The following TUBGCP4 variants were observed in gnomAD, a reference collection of about 807,000 sequenced individuals.
TUBGCP4 encodes the protein gamma-tubulin complex component 4.
A neutral mutation model predicts 91.6 loss-of-function variants in TUBGCP4; 54 were observed. That is an observed-to-expected ratio of 0.59 (90% CI 0.47 to 0.74). The LOEUF is 0.74. Ranked by LOEUF, TUBGCP4 falls within the 30% of genes least tolerant of loss-of-function variation. The pLI is 0.00. For missense variants in TUBGCP4, 593 were observed against 800.9 expected (o/e 0.74, Z 3.13); for synonymous variants, 297 against 302.8 (o/e 0.98, Z 0.20).
At chr15:43,405,160 G>T in intron 17 of TUBGCP4, 42 bp from the exon 18 acceptor site, 1 of 1,612,442 alleles carries the variant, frequency 6.2e-7, no homozygotes, top group South Asian at 1.1e-5. Context: ...GGTAGTCTTG[G>T]GAAAGCATGA....
chr15:43,409,759 ACCAAGAT>A lies in TUBGCP4; in HGVS notation c.*4546_*4552del. 2.6e-6 allele frequency: 3 copies of A among 1,167,804 alleles called. No individual in the cohort carries two copies. Among genetic ancestry groups the A allele is most frequent in the Non-Finnish European group, 3.6e-6 (3 of 823,124 alleles). 72.3% of individuals were successfully genotyped at this position (1,167,804 alleles called of 1,614,324 possible). A position where few individuals can be genotyped will look rare whatever the true frequency, so the allele number is the denominator to read the frequency against. ...CAAAAATTCTATATTAAAAAAAAAAACCAAGATAATAATTACTGAGTGGTTTTCTTAT... is the reference window on the plus strand; with the variant it reads ...CAAAAATTCTATATTAAAAAAAAAAAAATAATTACTGAGTGGTTTTCTTAT... On this transcript the variant is annotated 3_prime_UTR_variant, in exon 18 of 18. Transcript: ENST00000564079.
At chr15:43,386,657 G>A (rs1222774473) in intron 9 of TUBGCP4, among the ~76,000 whole-genome samples, 1 of 141,824 alleles carries the variant, frequency 7.1e-6, no homozygotes, top group African/African-American at 2.6e-5. Flanking sequence ...CCCGGGAGGC[G>A]GAGGTTGCAG....
Position 43,407,993 on chromosome 15 carries a change from G to C in TUBGCP4, c.*2779G>C, listed in dbSNP as rs199724544. ...CTGCTTCACAGAGGCTGCACCACCA[G>C]TCATGAGGATCTCAGACCAGAGCTC... On this transcript the variant is annotated 3_prime_UTR_variant, in exon 18 of 18. Transcript: ENST00000564079. The C allele has an allele frequency of 4.0e-5, 64 of 1,614,032 alleles. No individual in the cohort carries two copies. The East Asian group carries it at 1.2e-3, about 31-fold the overall frequency.
chr15:43,375,950 T>G, intron 1 of TUBGCP4, 148 bp from the exon 2 acceptor site: 2 of 1,234,310 alleles, frequency 1.6e-6, no homozygotes, highest in Non-Finnish European at 2.3e-6. Context: ...TTGAAGTGCT[T>G]TGGAAATACA....
intron 1 of TUBGCP4, 32 bp from the exon 2 acceptor site, chr15:43,376,066 C>T (rs1382367638): frequency 8.1e-6 from 13 of 1,597,780 alleles, no homozygotes; most frequent in East Asian, 2.3e-5. Flanking sequence ...CAGCGACTGG[C>T]GGTGTTTTCG....
At chr15:43,383,268 T>C (rs1280604270) in intron 6 of TUBGCP4, 35 bp from the exon 7 acceptor site, 18 of 1,574,938 alleles carry the variant, frequency 1.1e-5, no homozygotes, top group African/African-American at 1.4e-5. Flanking sequence ...GTTTAAAGCA[T>C]GACTTCTGAG....
At chr15:43,381,279 C>T (rs2044281715) in intron 6 of TUBGCP4, among the ~76,000 whole-genome samples, 1 of 152,222 alleles carries the variant, frequency 6.6e-6, no homozygotes. Flanking sequence ...TTACAGACCA[C>T]ATACTCAGAA....
chr15:43,395,170 C>G lies in TUBGCP4; in HGVS notation c.1065+13C>G. ...GGGTCAGCTGAAGGTAATGGCTTAG[C>G]TGTTGTAATTCTTACGGTGATGCTG... On this transcript the variant is annotated intron_variant, in intron 10 of 17. Coordinates refer to ENST00000564079, the MANE Select transcript of TUBGCP4 (RefSeq NM_014444.5). The G allele has an allele frequency of 1.2e-6, 2 of 1,613,824 alleles. No individual in the cohort carries two copies. Among genetic ancestry groups the G allele is most frequent in the Non-Finnish European group, 1.7e-6 (2 of 1,179,758 alleles).
intron 7 of TUBGCP4, 61 bp from the exon 8 acceptor site, chr15:43,385,730 T>C: frequency 1.9e-6 from 3 of 1,568,168 alleles, no homozygotes; most frequent in Non-Finnish European, 1.7e-6. Flanking sequence ...TACTAGGTAT[T>C]TTCTTGTTTT....
chr15:43,376,283 T>G (rs1479587901), intron 2 of TUBGCP4, 57 bp downstream of exon 2: 36 of 1,609,556 alleles, frequency 2.2e-5, no homozygotes, highest in Non-Finnish European at 3.1e-5. Context: ...ATGTCAAGCT[T>G]TCACCTCTAG....
chr15:43,407,117 C>T lies in TUBGCP4; in HGVS notation c.*1903C>T, dbSNP rs980513319. ...TCAATTTCCTTGGCCAGCTGTCCTC[C>T]GTAAGTGAATAAGCCTGTTGAAAGA... On this transcript the variant is annotated 3_prime_UTR_variant, in exon 18 of 18. Transcript: ENST00000564079. 2.7e-5 allele frequency: 10 copies of T among 376,402 alleles called. No individual in the cohort carries two copies. The highest frequency in any genetic ancestry group is 4.8e-5 in the East Asian group (1 of 20,854). 23.3% of individuals were successfully genotyped at this position (376,402 alleles called of 1,614,324 possible).
rs1251837526 is a variant in TUBGCP4, at chr15:43,386,202, G to T, written c.890-4G>T. 3 of 1,603,764 alleles carry T rather than the reference G, an allele frequency of 1.9e-6. No homozygotes were observed. The highest frequency in any genetic ancestry group is 1.7e-5 in the Admixed American group (1 of 57,808). On this transcript the variant is annotated splice_region_variant and splice_polypyrimidine_tract_variant and intron_variant, in intron 8 of 17. Coordinates refer to ENST00000564079, the MANE Select transcript of TUBGCP4 (RefSeq NM_014444.5). Reference sequence around the variant, plus strand: ...TCCTTTGACGGTGTCTTCCTATTTTGCAGGATCCATTTTGAAAAACCAGGA... The same window carrying T: ...TCCTTTGACGGTGTCTTCCTATTTTTCAGGATCCATTTTGAAAAACCAGGA...
At chr15:43,381,265 A>C (rs552400879) in intron 6 of TUBGCP4, among the ~76,000 whole-genome samples, 4 of 152,156 alleles carry the variant, frequency 2.6e-5, no homozygotes, top group African/African-American at 9.7e-5. Flanking sequence ...GCAGGGACCA[A>C]ACTTTACAGA....
intron 14 of TUBGCP4, among the ~76,000 whole-genome samples, chr15:43,400,448 A>C (rs987880601): frequency 6.6e-6 from 1 of 151,760 alleles, no homozygotes; most frequent in Non-Finnish European, 1.5e-5. Context: ...CCCAGGCTGG[A>C]ATGCAGTGGT....
In TUBGCP4 at chr15:43,409,247, T is replaced by C; in HGVS notation, c.*4033T>C. 1.5e-6 allele frequency: 1 copy of C among 678,762 alleles called. No individual in the cohort carries two copies. The highest frequency in any genetic ancestry group is 2.5e-6 in the Non-Finnish European group (1 of 397,778). The allele number at this position is 678,762 out of a possible 1,614,324, so 42.0% of individuals were successfully genotyped here. On this transcript the variant is annotated 3_prime_UTR_variant, in exon 18 of 18. Transcript: ENST00000564079. ...TCTATCCTGCCCAAGGCCACTCTTC[T>C]CACTGGAAGGCCCAAGTAATTTCCA...
At chr15:43,380,036 T>C (rs757197872) in intron 5 of TUBGCP4, 48 bp from the exon 6 acceptor site, 1 of 1,570,550 alleles carries the variant, frequency 6.4e-7, no homozygotes, top group Non-Finnish European at 8.8e-7. Context: ...GTGTCTTGCA[T>C]GGACTCTTAG....
Position 43,395,703 on chromosome 15 carries a change from C to A in TUBGCP4, c.1171+15C>A. 6.3e-7 allele frequency: 1 copy of A among 1,595,862 alleles called. No homozygotes were observed. The highest frequency in any genetic ancestry group is 1.1e-5 in the South Asian group (1 of 90,732). On this transcript the variant is annotated intron_variant, in intron 11 of 17. Transcript: ENST00000564079. ...AACTGAGCATGGTAATTGTCAGTGG[C>A]CCTGAGAATGATCAACTGATTGACA...
intron 9 of TUBGCP4, among the ~76,000 whole-genome samples, chr15:43,392,740 C>T (rs1270700307): frequency 5.3e-5 from 8 of 152,128 alleles, no homozygotes; most frequent in Admixed American, 5.2e-4. Flanking sequence ...CTCAAGTGAT[C>T]TGCCCGCTTC....
rs751441349 is a variant in TUBGCP4, at chr15:43,383,366, C to T, written c.585C>T (p.Leu195=). ...TCTCAGCCTGGATGCTCCATGGACT[C>T]CTCTTGGACCAGCATGAAGAATTCT... ...KQLSAWMLHG[L]LLDQHEEFFI... is the part of the protein sequence containing the mutation. The change falls in exon 7 of 18, where the codon CTC becomes CTT. Residue 195 remains leucine (L), a synonymous_variant. Coordinates refer to ENST00000564079, the MANE Select transcript of TUBGCP4 (RefSeq NM_014444.5). 2.5e-6 allele frequency: 4 copies of T among 1,614,174 alleles called. No individual in the cohort carries two copies. Among genetic ancestry groups the T allele is most frequent in the Non-Finnish European group, 3.4e-6 (4 of 1,180,024 alleles).
Sources: gnomAD v4.1 joint callset for allele counts (sites outside exome capture counted in the v4.1 genomes callset) on GRCh38, gnomAD v4.1.1 for gene constraint, MANE v1.5 for transcripts, NCBI Gene and HGNC (gene_info 2026-07-23, HGNC 2026-07-21) for gene names.